The following MCF2L2 variants were observed in gnomAD, a reference collection of about 807,000 sequenced individuals.
MCF2L2 encodes the protein MCF.2 cell line derived transforming sequence-like 2.
A neutral mutation model predicts 150.2 loss-of-function variants in MCF2L2; 102 were observed. The ratio of observed to expected loss-of-function variants is 0.68; its 90% CI spans 0.58 to 0.80. The LOEUF is 0.80. Among genes scored for constraint, MCF2L2 ranks in the 30% least tolerant of loss-of-function variants. The pLI, the probability that MCF2L2 is intolerant of heterozygous loss-of-function variation, is 0.00. For synonymous variants in MCF2L2, 465 were observed against 491.3 expected (o/e 0.95, Z 0.71); for missense variants, 1,256 against 1,372.8 (o/e 0.91, Z 1.34).
intron 15 of MCF2L2, among the ~76,000 whole-genome samples, chr3:183,243,689 T>G (rs1249573629): frequency 6.6e-6 from 1 of 152,230 alleles, no homozygotes; most frequent in Non-Finnish European, 1.5e-5. Flanking sequence ...TTAAACTCCT[T>G]GCCTCTCATG....
chr3:183,223,176 C>G (rs1171263727), intron 20 of MCF2L2, among the ~76,000 whole-genome samples, 170 bp downstream of exon 20: 1 of 152,162 alleles, frequency 6.6e-6, no homozygotes, highest in Non-Finnish European at 1.5e-5. Context: ...TGGTCTTACT[C>G]CACATTGAAG....
chr3:183,205,147 G>A (rs953718850), intron 25 of MCF2L2, among the ~76,000 whole-genome samples: 3 of 152,174 alleles, frequency 2.0e-5, no homozygotes, highest in African/African-American at 4.8e-5. Context: ...TTGGGAGGCC[G>A]AGGCAGGCAG....
intron 27 of MCF2L2, chr3:183,192,716 CTAAGAG>C: frequency 2.9e-6 from 1 of 342,034 alleles, no homozygotes. Flanking sequence ...CAGCAGTTGA[CTAAGAG>C]TAACTAAAAC....
In MCF2L2 at chr3:183,289,262, C is replaced by T. The variant is rs143795562; in HGVS notation, c.1676-42G>A. On this transcript the variant is annotated intron_variant, in intron 13 of 29. Transcript: ENST00000328913. Reference sequence around the variant, plus strand: ...TTAGTGTGGTTATTTAACTTATAAACTATAACTCAGTGCACTTTGTCTGAT... The same window carrying T: ...TTAGTGTGGTTATTTAACTTATAAATTATAACTCAGTGCACTTTGTCTGAT... The T allele has an allele frequency of 1.4e-4, 188 of 1,346,186 alleles. 1 individual carries two copies. The East Asian group carries it at 4.2e-3, about 30-fold the overall frequency. The allele number at this position is 1,346,186 out of a possible 1,614,324, so 83.4% of individuals were successfully genotyped here. A position where few individuals can be genotyped will look rare whatever the true frequency, so the allele number is the denominator to read the frequency against.
intron 5 of MCF2L2, among the ~76,000 whole-genome samples, chr3:183,336,990 G>A (rs1730509410): frequency 6.6e-6 from 1 of 151,774 alleles, no homozygotes; most frequent in Non-Finnish European, 1.5e-5. Flanking sequence ...ACATAGTTTT[G>A]CCTATTTTGA....
At chr3:183,209,551 C>T (rs1433549231) in intron 22 of MCF2L2, among the ~76,000 whole-genome samples, 5 of 152,156 alleles carry the variant, frequency 3.3e-5, no homozygotes, top group African/African-American at 7.2e-5. Flanking sequence ...TAGAGTGGCA[C>T]GACCTTGGCT....
chr3:183,228,051 G>T, intron 18 of MCF2L2: 4 of 113,658 alleles, frequency 3.5e-5, no homozygotes, highest in East Asian at 2.0e-4. Context: ...ACACACAATG[G>T]TAATGAATGT....
chr3:183,395,789 G>A (rs889036518), intron 1 of MCF2L2, among the ~76,000 whole-genome samples: 1 of 151,772 alleles, frequency 6.6e-6, no homozygotes, highest in South Asian at 2.1e-4. Flanking sequence ...GTCGTGGCAC[G>A]TGCGTGTAAT....
intron 3 of MCF2L2, among the ~76,000 whole-genome samples, chr3:183,351,224 A>ATT (rs1731117846): frequency 1.1e-5 from 1 of 88,048 alleles, no homozygotes; most frequent in Non-Finnish European, 2.1e-5. Flanking sequence ...ATATATATAT[A>ATT]TATATATATA....
At chr3:183,364,476 C>T (rs1391273575) in intron 3 of MCF2L2, among the ~76,000 whole-genome samples, 4 of 151,740 alleles carry the variant, frequency 2.6e-5, no homozygotes, top group East Asian at 1.9e-4. Context: ...GCCAAGATCA[C>T]GCCACTGCAC....
At chr3:183,325,528 T>G (rs1268267375) in intron 5 of MCF2L2, among the ~76,000 whole-genome samples, 2 of 151,984 alleles carry the variant, frequency 1.3e-5, no homozygotes, top group Non-Finnish European at 2.9e-5. Flanking sequence ...CTTATGGGAG[T>G]TTTTAAAAGG....
At chr3:183,379,481 G>A in intron 2 of MCF2L2, 70 bp from the exon 3 acceptor site, 1 of 1,037,052 alleles carries the variant, frequency 9.6e-7, no homozygotes. Flanking sequence ...GGGAAGTTGG[G>A]CGAAAGAATA....
At chr3:183,409,128 T>C (rs1201683966) in intron 1 of MCF2L2, among the ~76,000 whole-genome samples, 1 of 152,252 alleles carries the variant, frequency 6.6e-6, no homozygotes, top group Non-Finnish European at 1.5e-5. Flanking sequence ...GTAAATCCTC[T>C]AGCTTTAGCT....
At chr3:183,297,449 C>T (rs1560006681) in intron 11 of MCF2L2, 2 of 346,318 alleles carry the variant, frequency 5.8e-6, no homozygotes, top group South Asian at 3.3e-5. Flanking sequence ...CAGGAGGAGA[C>T]AGCTAAATAT....
rs143628381 is a variant in MCF2L2 at position 183,390,331 on chromosome 3, G to A, written c.77-552C>T. Reference sequence around the variant, plus strand: ...AAGGGGCCTCTTCCTACTGCTAAATGTATATAAGAAGGCACTTTTTCATTT... The same window carrying A: ...AAGGGGCCTCTTCCTACTGCTAAATATATATAAGAAGGCACTTTTTCATTT... On this transcript the variant is annotated intron_variant, in intron 1 of 29. Transcript: ENST00000328913. Among the ~76,000 whole-genome samples the A allele has an allele frequency of 6.6e-4, 101 of 152,040 alleles. 2 individuals carry two copies. In the East Asian group the frequency reaches 0.018, roughly 26 times the overall value.
chr3:183,427,794 G>A lies in MCF2L2; in HGVS notation c.76+108C>T, dbSNP rs1332128474. On this transcript the variant is annotated intron_variant, in intron 1 of 29. Transcript: ENST00000328913. ...GCCCAGATGCCGGGCAACCCCCCAG[G>A]AAGCGCGCTGCCCCGGGGCAGCGGG... The A allele has an allele frequency of 2.6e-5, 25 of 944,258 alleles. No individual in the cohort carries two copies. In the Admixed American group the frequency reaches 4.3e-4, roughly 16 times the overall value. 58.5% of individuals were successfully genotyped at this position (944,258 alleles called of 1,614,324 possible).
chr3:183,272,591 C>G, intron 15 of MCF2L2: 1 of 994,150 alleles, frequency 1.0e-6, no homozygotes, highest in Middle Eastern at 5.3e-4. Flanking sequence ...TAACTAATGT[C>G]AAAACTACAG....
At position 183,311,688 on chromosome 3, in the gene MCF2L2, G is replaced by C; in HGVS notation, c.838C>G (p.Leu280Val). The stretch of plus-strand genomic sequence containing the variant: ...ACATTCTCAAGTTGGTTGAGATTGA[G>C]TTTGCTGTTGGGACATTTGGTTGCT... ...EPATKCPNSK[L>V]NLNQLENVTT... is the part of the protein sequence containing the mutation. Residue 280 changes from leucine (L) to valine (V), a missense_variant, in exon 8 of 30, where the codon CTC becomes GTC. Leu to Val is a conservative substitution (Grantham distance 32, BLOSUM62 1). Coordinates refer to ENST00000328913, the MANE Select transcript of MCF2L2 (RefSeq NM_015078.4). 6.2e-7 allele frequency: 1 copy of C among 1,614,128 alleles called. No individual in the cohort carries two copies. The highest frequency in any genetic ancestry group is 2.2e-5 in the East Asian group (1 of 44,876).
intron 10 of MCF2L2, among the ~76,000 whole-genome samples, chr3:183,301,032 A>G (rs924463452): frequency 6.6e-6 from 1 of 151,422 alleles, no homozygotes; most frequent in South Asian, 2.1e-4. Context: ...AAAAAAAAAA[A>G]AAAAAGAAAT....
Sources: gnomAD v4.1 joint callset for allele counts (sites outside exome capture counted in the v4.1 genomes callset) on GRCh38, gnomAD v4.1.1 for gene constraint, MANE v1.5 for transcripts, NCBI Gene and HGNC (gene_info 2026-07-23, HGNC 2026-07-21) for gene names.